The following BCO1 variants were observed in gnomAD, a reference collection of about 807,000 sequenced individuals.
BCO1 encodes the protein beta,beta-carotene 15,15'-dioxygenase.
Under a neutral mutation model 56.3 loss-of-function variants are expected in BCO1, and 54 were observed. That is an observed-to-expected ratio of 0.96 (90% confidence interval 0.77 to 1.20). The LOEUF (loss-of-function observed/expected upper bound fraction) is 1.20, where lower values mean the gene tolerates loss of function less well. BCO1 is among the 50% of genes most tolerant of loss of function. The probability of loss-of-function intolerance (pLI) is 0.00; values close to 1 mark genes in which losing one functional copy is unlikely to be tolerated. For synonymous variants in BCO1, 318 were observed against 266.1 expected (o/e 1.20, Z -1.90); for missense variants, 801 against 690.9 (o/e 1.16, Z -1.79).
intron 8 of BCO1, among the ~76,000 whole-genome samples, chr16:81,282,091 C>T (rs1468415944): frequency 1.3e-5 from 2 of 152,144 alleles, no homozygotes; most frequent in East Asian, 1.9e-4. Flanking sequence ...TTCAACTGAG[C>T]GCATTGGCTG....
intron 8 of BCO1, among the ~76,000 whole-genome samples, chr16:81,281,930 C>T (rs941380905): frequency 1.3e-5 from 2 of 152,356 alleles, no homozygotes; most frequent in East Asian, 1.9e-4. Flanking sequence ...AATATAAGCC[C>T]GTGAGGCGAG....
chr16:81,248,873 G>C (rs1346559183), intron 2 of BCO1, among the ~76,000 whole-genome samples: 1 of 152,082 alleles, frequency 6.6e-6, no homozygotes, highest in East Asian at 1.9e-4. Context: ...TTAGCCGGAT[G>C]TGGTGGCAGG....
intron 2 of BCO1, among the ~76,000 whole-genome samples, chr16:81,251,978 G>T (rs146920381): frequency 6.6e-6 from 1 of 151,850 alleles, no homozygotes; most frequent in African/African-American, 2.4e-5. Flanking sequence ...GTCTGTTGGC[G>T]TATGTCCCTT....
chr16:81,277,331 A>G (rs1250961555), intron 7 of BCO1, among the ~76,000 whole-genome samples: 1 of 152,092 alleles, frequency 6.6e-6, no homozygotes, highest in Admixed American at 6.6e-5. Flanking sequence ...GTTCTAAGTT[A>G]TTTATGATCC....
At chr16:81,286,082 C>G (rs905722441) in intron 9 of BCO1, among the ~76,000 whole-genome samples, 3 of 151,686 alleles carry the variant, frequency 2.0e-5, no homozygotes, top group African/African-American at 7.3e-5. Flanking sequence ...GAGACAGAGT[C>G]TCATTGTGTT....
intron 2 of BCO1, among the ~76,000 whole-genome samples, chr16:81,251,915 T>G (rs1176836415): frequency 6.6e-6 from 1 of 151,292 alleles, no homozygotes; most frequent in Non-Finnish European, 1.5e-5. Flanking sequence ...TCTTCCCTTC[T>G]TCCCCAAAAT....
intron 3 of BCO1, 179 bp from the exon 4 acceptor site, chr16:81,261,957 T>C: frequency 1.5e-6 from 1 of 681,442 alleles, no homozygotes; most frequent in Non-Finnish European, 2.6e-6. Flanking sequence ...TTGGCCAGGA[T>C]GGTCTCAATC....
intron 5 of BCO1, among the ~76,000 whole-genome samples, chr16:81,266,490 C>G (rs1165173227): frequency 6.6e-6 from 1 of 152,228 alleles, no homozygotes; most frequent in South Asian, 2.1e-4. Flanking sequence ...GTAGAGCCCC[C>G]TGAGCAAACT....
intron 5 of BCO1, 80 bp downstream of exon 5, chr16:81,264,867 A>G (rs1906714034): frequency 6.6e-7 from 1 of 1,505,300 alleles, no homozygotes; most frequent in Non-Finnish European, 9.2e-7. Flanking sequence ...TTCGTTGATG[A>G]CACAAGATCC....
chr16:81,245,531 A>C lies in BCO1; in HGVS notation c.121A>C (p.Thr41Pro). Reference sequence around the variant, plus strand: ...GCTCCGCAATGGGCCTGGGATGCACACAGTTGGGGAGTCCAGATACAACCA... The same window carrying C: ...GCTCCGCAATGGGCCTGGGATGCACCCAGTTGGGGAGTCCAGATACAACCA... ...TLLRNGPGMH[T>P]VGESRYNHWF... is the part of the protein sequence containing the mutation. The change falls in exon 2 of 11, where the codon ACA becomes CCA. Residue 41 changes from threonine (T) to proline (P), a missense_variant. Thr to Pro is a conservative substitution (Grantham distance 38). Transcript: ENST00000258168. The C allele has an allele frequency of 1.1e-5, 17 of 1,613,770 alleles. No homozygotes were observed. Among genetic ancestry groups the C allele is most frequent in the Non-Finnish European group, 1.4e-5 (17 of 1,179,696 alleles).
At position 81,268,107 on chromosome 16, in the gene BCO1, C is replaced by T. The variant is rs754852032; in HGVS notation, c.819C>T (p.Cys273=). ...AYIRRMSWAS[C]LAFHREEKTY... ...TCCGGAGAATGAGCTGGGCCTCCTGCCTGGCTTTCCACAGGGAGGAGAAGG... is the reference window on the plus strand; with the variant it reads ...TCCGGAGAATGAGCTGGGCCTCCTGTCTGGCTTTCCACAGGGAGGAGAAGG... Residue 273 remains cysteine (C), a synonymous_variant, in exon 6 of 11, where the codon TGC becomes TGT. Coordinates refer to ENST00000258168, the MANE Select transcript of BCO1 (RefSeq NM_017429.3). 3.7e-6 allele frequency: 6 copies of T among 1,610,250 alleles called. No homozygotes were observed. Among genetic ancestry groups the T allele is most frequent in the Non-Finnish European group, 5.1e-6 (6 of 1,179,980 alleles).
At chr16:81,281,574 C>T (rs751215586) in intron 8 of BCO1, among the ~76,000 whole-genome samples, 1 of 152,222 alleles carries the variant, frequency 6.6e-6, no homozygotes, top group Non-Finnish European at 1.5e-5. Context: ...TTCCTCTCAA[C>T]ATCCACAATA....
At chr16:81,249,381 C>T (rs538800546) in intron 2 of BCO1, among the ~76,000 whole-genome samples, 26 of 152,176 alleles carry the variant, frequency 1.7e-4, no homozygotes, top group South Asian at 2.1e-4. Flanking sequence ...GTCAGCCTCC[C>T]GAGTAGCTGG....
At chr16:81,272,359 C>T (rs1206154767) in intron 7 of BCO1, among the ~76,000 whole-genome samples, 1 of 152,056 alleles carries the variant, frequency 6.6e-6, no homozygotes, top group East Asian at 1.9e-4. Flanking sequence ...ACCTCATGAT[C>T]CGCCCGCCTT....
At chr16:81,280,630 C>T (rs1025675527) in intron 7 of BCO1, among the ~76,000 whole-genome samples, 1 of 152,166 alleles carries the variant, frequency 6.6e-6, no homozygotes, top group African/African-American at 2.4e-5. Context: ...AGAGTCCTAT[C>T]ACCTACCAGG....
chr16:81,253,288 ATACTC>A (rs1905923993), intron 2 of BCO1, among the ~76,000 whole-genome samples: 1 of 152,054 alleles, frequency 6.6e-6, no homozygotes, highest in African/African-American at 2.4e-5. Context: ...CTGCATCTCA[ATACTC>A]TACGCAGCTT....
At chr16:81,263,602 C>G (rs903605377) in intron 4 of BCO1, 1 of 152,204 alleles carries the variant, frequency 6.6e-6, no homozygotes, top group African/African-American at 2.4e-5. Flanking sequence ...TGAGGGAGTT[C>G]ACTGAGAATT....
chr16:81,252,949 A>C (rs890523937), intron 2 of BCO1, among the ~76,000 whole-genome samples: 1 of 152,070 alleles, frequency 6.6e-6, no homozygotes, highest in African/African-American at 2.4e-5. Context: ...TCTCTAGTAA[A>C]AATACAAATA....
At chr16:81,277,979 A>T (rs1330945245) in intron 7 of BCO1, among the ~76,000 whole-genome samples, 1 of 152,202 alleles carries the variant, frequency 6.6e-6, no homozygotes, top group Non-Finnish European at 1.5e-5. Context: ...GCAAGGTACC[A>T]GGAAGGGCCT....
Sources: gnomAD v4.1 joint callset for allele counts (sites outside exome capture counted in the v4.1 genomes callset) on GRCh38, gnomAD v4.1.1 for gene constraint, MANE v1.5 for transcripts, NCBI Gene and HGNC (gene_info 2026-07-23, HGNC 2026-07-21) for gene names.